SOX5: variants seen among roughly 807,000 people sequenced by gnomAD.
SOX5 encodes the protein transcription factor SOX-5.
In SOX5, 9 loss-of-function variants were observed where a neutral mutation model predicts 92.0. The ratio of observed to expected loss-of-function variants is 0.10; its 90% CI spans 0.06 to 0.17. SOX5 has a LOEUF of 0.17. Among genes scored for constraint, SOX5 ranks in the 10% least tolerant of loss-of-function variants. The pLI, the probability that SOX5 is intolerant of heterozygous loss-of-function variation, is 1.00. For synonymous variants in SOX5, 344 were observed against 336.3 expected (o/e 1.02, Z -0.25); for missense variants, 642 against 944.5 (o/e 0.68, Z 4.20).
intron 4 of SOX5, among the ~76,000 whole-genome samples, chr12:24,027,306 C>T (rs1248248298): frequency 6.6e-6 from 1 of 151,954 alleles, no homozygotes. Context: ...CAGATCTGCT[C>T]TCCTGACTCT....
chr12:24,297,623 A>G (rs1438655910), intron 2 of SOX5, among the ~76,000 whole-genome samples: 1 of 152,216 alleles, frequency 6.6e-6, no homozygotes, highest in Non-Finnish European at 1.5e-5. Context: ...ATACCTTTTA[A>G]GATTGTCTTT....
intron 4 of SOX5, among the ~76,000 whole-genome samples, chr12:23,964,375 C>A (rs1947304633): frequency 6.6e-6 from 1 of 152,140 alleles, no homozygotes; most frequent in Non-Finnish European, 1.5e-5. Context: ...TGCTTAATAT[C>A]CCCTTCATTT....
At chr12:24,407,021 G>A (rs575862243) in intron 1 of SOX5, among the ~76,000 whole-genome samples, 5 of 152,052 alleles carry the variant, frequency 3.3e-5, no homozygotes, top group Admixed American at 6.6e-5. Flanking sequence ...GGACTTAAGC[G>A]GCCTTGCAAA....
chr12:23,938,084 G>C (rs1400078038), intron 1 of SOX5, among the ~76,000 whole-genome samples: 1 of 150,784 alleles, frequency 6.6e-6, no homozygotes, highest in African/African-American at 2.4e-5. Flanking sequence ...GGCAACTAAG[G>C]TATTCACTGT....
chr12:23,814,288 G>A (rs951303078), intron 3 of SOX5, among the ~76,000 whole-genome samples: 1 of 152,066 alleles, frequency 6.6e-6, no homozygotes, highest in African/African-American at 2.4e-5. Flanking sequence ...ATACTTGCTG[G>A]TAACTAACCT....
chr12:23,563,997 G>C (rs1946654229), intron 10 of SOX5, among the ~76,000 whole-genome samples: 1 of 152,184 alleles, frequency 6.6e-6, no homozygotes. Context: ...ATGCAAACTT[G>C]TAATAGTTAG....
intron 1 of SOX5, among the ~76,000 whole-genome samples, chr12:23,906,105 A>G (rs866836632): frequency 1.3e-5 from 2 of 152,194 alleles, no homozygotes; most frequent in Non-Finnish European, 2.9e-5. Context: ...GGAGAAAACA[A>G]CACAAGTCCA....
At chr12:24,191,764 A>G (rs189643010) in intron 4 of SOX5, among the ~76,000 whole-genome samples, 2 of 152,302 alleles carry the variant, frequency 1.3e-5, no homozygotes, top group East Asian at 3.9e-4. Context: ...GGAAAGGATT[A>G]AAGTATTTTG....
chr12:24,084,156 T>G (rs1943690412), intron 4 of SOX5, among the ~76,000 whole-genome samples: 1 of 152,064 alleles, frequency 6.6e-6, no homozygotes, highest in African/African-American at 2.4e-5. Context: ...GATGTATCTA[T>G]AAGGTTGAAC....
chr12:23,585,884 C>G (rs934146948), intron 9 of SOX5, among the ~76,000 whole-genome samples: 1 of 152,062 alleles, frequency 6.6e-6, no homozygotes, highest in Non-Finnish European at 1.5e-5. Flanking sequence ...GTCATGGCAA[C>G]GGCCAGGTAA....
chr12:23,728,639 T>A (rs2140784357), intron 6 of SOX5, among the ~76,000 whole-genome samples: 1 of 152,304 alleles, frequency 6.6e-6, no homozygotes, highest in South Asian at 2.1e-4. Context: ...AATGAAACCT[T>A]TATCACAAAT....
At chr12:24,530,083 A>G (rs1460542974) in intron 1 of SOX5, among the ~76,000 whole-genome samples, 1 of 152,108 alleles carries the variant, frequency 6.6e-6, no homozygotes, top group Non-Finnish European at 1.5e-5. Flanking sequence ...CCAACATATG[A>G]ACAAGTGATC....
chr12:23,670,874 T>TC (rs1200169063), intron 6 of SOX5, among the ~76,000 whole-genome samples: 2 of 152,104 alleles, frequency 1.3e-5, no homozygotes, highest in Non-Finnish European at 2.9e-5. Context: ...TGAATTGTAA[T>TC]ATTATCAGAT....
At chr12:24,049,052 CA>C (rs983636777) in intron 4 of SOX5, among the ~76,000 whole-genome samples, 37 of 150,092 alleles carry the variant, frequency 2.5e-4, no homozygotes, top group African/African-American at 4.6e-4. Context: ...AAGTTATTGC[CA>C]AAAAAAAATG....
At chr12:23,837,203 T>C (rs746261167) in intron 3 of SOX5, among the ~76,000 whole-genome samples, 1 of 133,142 alleles carries the variant, frequency 7.5e-6, no homozygotes, top group Non-Finnish European at 1.6e-5. Context: ...GTATATATAA[T>C]ATATTTATAT....
intron 4 of SOX5, among the ~76,000 whole-genome samples, chr12:24,205,456 A>G (rs1006679123): frequency 1.3e-5 from 2 of 152,198 alleles, no homozygotes; most frequent in Admixed American, 1.3e-4. Flanking sequence ...AATTTTATAG[A>G]TGAGGAAACA....
At chr12:23,991,525 C>T (rs1415311913) in intron 4 of SOX5, among the ~76,000 whole-genome samples, 3 of 151,582 alleles carry the variant, frequency 2.0e-5, no homozygotes, top group Admixed American at 6.6e-5. Context: ...AATATTTTTC[C>T]GATTTTCCAG....
intron 4 of SOX5, among the ~76,000 whole-genome samples, chr12:24,070,548 A>T (rs1941599094): frequency 6.6e-6 from 1 of 152,174 alleles, no homozygotes; most frequent in Non-Finnish European, 1.5e-5. Context: ...AAATTCAAGG[A>T]ATCATGGTGC....
intron 8 of SOX5, among the ~76,000 whole-genome samples, chr12:23,620,617 G>A (rs1453379579): frequency 6.6e-6 from 1 of 151,894 alleles, no homozygotes; most frequent in Non-Finnish European, 1.5e-5. Context: ...AAAGAAAAAG[G>A]TATAGCAAAA....
Sources: gnomAD v4.1 joint callset for allele counts (sites outside exome capture counted in the v4.1 genomes callset) on GRCh38, gnomAD v4.1.1 for gene constraint, MANE v1.5 for transcripts, NCBI Gene and HGNC (gene_info 2026-07-23, HGNC 2026-07-21) for gene names.